The following APOLD1 variants were observed in gnomAD, a reference collection of about 807,000 sequenced individuals.
The protein encoded by APOLD1 is apolipoprotein L domain containing 1.
Under a neutral mutation model 15.3 loss-of-function variants are expected in APOLD1, and 22 were observed. The observed-to-expected ratio is 1.44, with a 90% confidence interval of 1.03 to 2.05. APOLD1 has a LOEUF of 2.05. Ranked by LOEUF, APOLD1 falls within the 30% of genes most tolerant of loss-of-function variation. APOLD1 has a pLI of 0.00. For synonymous variants in APOLD1, 190 were observed against 167.4 expected (o/e 1.13, Z -1.04); for missense variants, 394 against 353.5 (o/e 1.11, Z -0.92).
chr12:12,726,145 C>A, intron 1 of APOLD1: 4 of 485,744 alleles, frequency 8.2e-6, no homozygotes, highest in Non-Finnish European at 1.1e-5. Flanking sequence ...AAAAGAACAC[C>A]TCTTCGCAAC....
rs372348026 is a variant in APOLD1, at chr12:12,787,188, G to C, written c.283G>C (p.Ala95Pro). 2.6e-4 allele frequency: 394 copies of C among 1,541,982 alleles called. 4 individuals are homozygous for C. The South Asian group carries it at 4.7e-3, about 18-fold the overall frequency. Residue 95 changes from alanine to proline, a missense_variant, in exon 2 of 2, where the codon GCC becomes CCC. Physicochemically the swap from Ala to Pro is conservative, Grantham distance 27. Coordinates refer to ENST00000356591, the MANE Select transcript of APOLD1 (RefSeq NM_030817.3). This position sits in a 1 kb window ranked among gnomAD's most constrained non-coding sequence, Gnocchi z 4.9. ...GGTGTCGGCCGTGGGGCTGGGGGTG[G>C]CCACAGCCGGAGGGGCCGTCACCAT... Reference protein sequence around the residue: ...LLVSAVGLGVATAGGAVTITS... With the variant: ...LLVSAVGLGVPTAGGAVTITS...
chr12:12,745,690 G>A (rs1262119532), intron 1 of APOLD1, among the ~76,000 whole-genome samples: 1 of 152,034 alleles, frequency 6.6e-6, no homozygotes, highest in Non-Finnish European at 1.5e-5. Context: ...CGTTGAATTT[G>A]TGGTAGATTA....
At chr12:12,785,549 C>A (rs1947117041), upstream of APOLD1, 1 of 1,438,736 alleles carries the variant, frequency 7.0e-7, no homozygotes, top group Non-Finnish European at 9.6e-7. Context: ...TAGATGAAGG[C>A]AGCAGGGGTC....
chr12:12,784,112 G>A (rs1324114667), upstream of APOLD1, among the ~76,000 whole-genome samples: 2 of 152,088 alleles, frequency 1.3e-5, no homozygotes, highest in Admixed American at 1.3e-4. Flanking sequence ...CTACCTTCTG[G>A]TTCTTCATCC....
intron 1 of APOLD1, among the ~76,000 whole-genome samples, chr12:12,746,510 A>ATAAATAAATAC: frequency 6.7e-6 from 1 of 149,838 alleles, no homozygotes; most frequent in Non-Finnish European, 1.5e-5. Flanking sequence ...TAAATAAATA[A>ATAAATAAATAC]ATAAATACAT....
chr12:12,787,138 C>G lies in APOLD1; in HGVS notation c.233C>G (p.Pro78Arg), dbSNP rs1170128506. 15 of 1,490,350 alleles carry G rather than the reference C, an allele frequency of 1.0e-5. No homozygotes were observed. Among genetic ancestry groups the G allele is most frequent in the Non-Finnish European group, 1.3e-5 (15 of 1,131,892 alleles). 92.3% of individuals were successfully genotyped at this position (1,490,350 alleles called of 1,614,324 possible). A position where few individuals can be genotyped will look rare whatever the true frequency, so the allele number is the denominator to read the frequency against. The change falls in exon 2 of 2, where the codon CCG (proline) becomes CGG (arginine). Residue 78 changes from proline (P) to arginine (R), a missense_variant. Transcript: ENST00000356591. This position sits in a 1 kb window ranked among gnomAD's most constrained non-coding sequence, Gnocchi z 4.9. Reference sequence around the variant, plus strand: ...GCCATCGTGGGGCTCTCGCTCAGCCCGGTCACCCTGGGGACCTCGCTGCTG... The same window carrying G: ...GCCATCGTGGGGCTCTCGCTCAGCCGGGTCACCCTGGGGACCTCGCTGCTG... ...LAAIVGLSLS[P>R]VTLGTSLLVS...
In APOLD1 at chr12:12,786,977, G is replaced by C; in HGVS notation, c.72G>C (p.Leu24=). 7.0e-7 allele frequency: 1 copy of C among 1,437,958 alleles called. No individual in the cohort carries two copies. The allele number at this position is 1,437,958 out of a possible 1,614,324, so 89.1% of individuals were successfully genotyped here. A position where few individuals can be genotyped will look rare whatever the true frequency, so the allele number is the denominator to read the frequency against. The change falls in exon 2 of 2, where the codon CTG becomes CTC. Residue 24 remains leucine (L), a synonymous_variant. Coordinates refer to ENST00000356591, the MANE Select transcript of APOLD1 (RefSeq NM_030817.3). ...PDALRRFQGL[L]LDRRGRLHGQ... ...CGCTGCGGCGCTTCCAGGGACTGCT[G>C]CTGGACCGCCGAGGCCGGCTGCACG...
upstream of APOLD1, among the ~76,000 whole-genome samples, chr12:12,782,508 G>A (rs1174022520): frequency 6.6e-6 from 1 of 152,152 alleles, no homozygotes; most frequent in African/African-American, 2.4e-5. Context: ...TAATGCCGCG[G>A]TTCAGCTGCA....
chr12:12,752,347 C>T (rs1946818744), intron 1 of APOLD1, among the ~76,000 whole-genome samples: 1 of 152,056 alleles, frequency 6.6e-6, no homozygotes. Context: ...TGAGATGTGC[C>T]CCACTCAGTG....
At chr12:12,756,932 G>A (rs1355768288) in intron 1 of APOLD1, among the ~76,000 whole-genome samples, 5 of 151,976 alleles carry the variant, frequency 3.3e-5, no homozygotes, top group Non-Finnish European at 7.4e-5. Flanking sequence ...GATTACAGGC[G>A]CCCACCACCA....
At chr12:12,759,728 T>A (rs1946882953) in intron 1 of APOLD1, among the ~76,000 whole-genome samples, 1 of 152,236 alleles carries the variant, frequency 6.6e-6, no homozygotes, top group South Asian at 2.1e-4. Flanking sequence ...CCAGTTACCC[T>A]GTTGGGAGTG....
At chr12:12,758,068 G>A (rs1467895594) in intron 1 of APOLD1, among the ~76,000 whole-genome samples, 1 of 148,734 alleles carries the variant, frequency 6.7e-6, no homozygotes, top group African/African-American at 2.5e-5. Context: ...TGGGACTACA[G>A]GCACCCACCA....
chr12:12,774,031 G>A (rs1247801753), intron 1 of APOLD1, among the ~76,000 whole-genome samples: 1 of 152,088 alleles, frequency 6.6e-6, no homozygotes, highest in Non-Finnish European at 1.5e-5. Flanking sequence ...CCTGGACTTG[G>A]TGATTACTTT....
In APOLD1 at chr12:12,755,533, T is replaced by C. The variant is rs565757067; in HGVS notation, c.96+29437T>C. 3.9e-5 allele frequency among the ~76,000 whole-genome samples: 6 copies of C among 152,328 alleles called. No individual in the cohort carries two copies. In the South Asian group the frequency reaches 1.0e-3, roughly 26 times the overall value. On this transcript the variant is annotated intron_variant, in intron 1 of 1. Transcript: ENST00000326765. ...CCCACAATAATTAGTATCCAGATTA[T>C]ATGAAGAACTCCAAACTGCAACATC...
upstream of APOLD1, chr12:12,785,474 TGTTC>T: frequency 1.5e-6 from 1 of 646,172 alleles, no homozygotes; most frequent in Non-Finnish European, 2.6e-6. Flanking sequence ...GAACACACAA[TGTTC>T]GTTTCCTAAA....
upstream of APOLD1, chr12:12,785,645 C>A: frequency 6.2e-7 from 1 of 1,614,156 alleles, no homozygotes; most frequent in East Asian, 2.2e-5. Flanking sequence ...GCACACTCAT[C>A]CAGAAACAGC....
intron 1 of APOLD1, among the ~76,000 whole-genome samples, chr12:12,746,088 A>G (rs575152623): frequency 6.6e-6 from 1 of 152,222 alleles, no homozygotes; most frequent in Admixed American, 6.5e-5. Context: ...CAGTGTGGCT[A>G]TTTCATCCGA....
chr12:12,766,754 C>A (rs1010644745), intron 1 of APOLD1, among the ~76,000 whole-genome samples: 3 of 152,138 alleles, frequency 2.0e-5, no homozygotes, highest in African/African-American at 7.2e-5. Flanking sequence ...GAGGCTGAGG[C>A]AGGAGAATCG....
At position 12,771,130 on chromosome 12, in the gene APOLD1, G is replaced by T. The variant is rs1946984011; in HGVS notation, c.97-15779G>T. Among the ~76,000 whole-genome samples the T allele has an allele frequency of 2.0e-5, 3 of 152,138 alleles. No homozygotes were observed. The South Asian group carries it at 6.2e-4, about 32-fold the overall frequency. ...CTTAGAAAAAAGAAAGAGTATATAG[G>T]TCAGAAACTCAGATATACATTAAGA... is the stretch of plus-strand genomic sequence containing the variant. On this transcript the variant is annotated intron_variant, in intron 1 of 1. Transcript: ENST00000326765.
Sources: allele counts gnomAD v4.1 joint callset (sites outside exome capture counted in the v4.1 genomes callset), GRCh38; gene constraint gnomAD v4.1.1; non-coding constraint Gnocchi (gnomAD v3.1); transcripts MANE v1.5; gene names NCBI Gene and HGNC (gene_info 2026-07-23, HGNC 2026-07-21).